Variants in NHSL2 observed in about 807,000 individuals in gnomAD.
NHSL2 encodes NHS-like protein 2.
A neutral mutation model predicts 53.4 loss-of-function variants in NHSL2; 27 were observed. The ratio of observed to expected loss-of-function variants is 0.51; its 90% CI spans 0.37 to 0.70. The LOEUF is 0.70. NHSL2 is among the 30% of genes least tolerant of loss of function. NHSL2 has a pLI of 0.00. For synonymous variants in NHSL2, 408 were observed against 404.1 expected (o/e 1.01, Z -0.12); for missense variants, 892 against 980.1 (o/e 0.91, Z 1.20).
At chrX:72,086,638 T>A (rs2147435303) in intron 1 of NHSL2, among the ~76,000 whole-genome samples, 1 of 93,351 alleles carries the variant, frequency 1.1e-5, no homozygotes, top group Admixed American at 1.4e-4. Flanking sequence ...GAGCTGAGAT[T>A]ATGCCACTGT....
At chrX:72,046,708 G>A (rs181636163) in intron 1 of NHSL2, among the ~76,000 whole-genome samples, 126 of 109,935 alleles carry the variant, frequency 1.1e-3, no homozygotes, top group African/African-American at 4.0e-3. Context: ...GGACACTGCA[G>A]AGAAAGGTTT....
At chrX:71,982,092 A>G (rs1045872038) in intron 1 of NHSL2, among the ~76,000 whole-genome samples, 10 of 112,579 alleles carry the variant, frequency 8.9e-5, no homozygotes, top group East Asian at 2.8e-4. Flanking sequence ...ATGTCCTTCA[A>G]TGTGTGAGTG....
intron 1 of NHSL2, among the ~76,000 whole-genome samples, chrX:71,931,622 A>G: frequency 8.9e-6 from 1 of 112,540 alleles, no homozygotes; most frequent in South Asian, 3.7e-4. Flanking sequence ...TAAAGAGACT[A>G]TTCCTTCCTC....
chrX:72,091,297 CA>C (rs1270114495), intron 1 of NHSL2, among the ~76,000 whole-genome samples: 2 of 111,247 alleles, frequency 1.8e-5, no homozygotes, highest in Admixed American at 1.9e-4. Context: ...ACTAAAAATA[CA>C]AAAAAATTAG....
chrX:71,972,026 G>A (rs1273289452), intron 1 of NHSL2, among the ~76,000 whole-genome samples: 6 of 110,727 alleles, frequency 5.4e-5, no homozygotes, highest in African/African-American at 9.9e-5. Flanking sequence ...CTATGGGAAT[G>A]TCTTTATTTT....
At chrX:71,984,305 G>A (rs769293307) in intron 1 of NHSL2, among the ~76,000 whole-genome samples, 4 of 111,769 alleles carry the variant, frequency 3.6e-5, no homozygotes, top group East Asian at 2.8e-4. Flanking sequence ...GAAAACATTC[G>A]GTAAGCTTAT....
intron 1 of NHSL2, among the ~76,000 whole-genome samples, chrX:72,016,712 G>C (rs1246332902): frequency 9.0e-6 from 1 of 111,176 alleles, no homozygotes; most frequent in East Asian, 2.8e-4. Context: ...TTGTGTCTGT[G>C]TATTTGTGAG....
chrX:71,911,278 G>A lies in NHSL2; in HGVS notation c.191G>A (p.Arg64His), dbSNP rs1249243986. The A allele has an allele frequency of 9.6e-6, 11 of 1,140,664 alleles. No homozygotes were observed. The highest frequency in any genetic ancestry group is 1.0e-5 in the Non-Finnish European group (9 of 864,425). 94.0% of individuals were successfully genotyped at this position (1,140,664 alleles called of 1,213,427 possible). ...GGGCACCTGCTGGCCCTGGGGCGCC[G>A]CACAGACAGCCTGTACCGGCGCACC... Reference protein sequence around the residue: ...LEGHLLALGRRTDSLYRRTVR... With the variant: ...LEGHLLALGRHTDSLYRRTVR... The change falls in exon 1 of 8, where the codon CGC becomes CAC. Residue 64 changes from arginine (R) to histidine (H), a missense_variant. Coordinates refer to ENST00000633930, the MANE Select transcript of NHSL2 (RefSeq NM_001013627.3).
At chrX:72,000,211 A>G (rs1009306750) in intron 1 of NHSL2, among the ~76,000 whole-genome samples, 2 of 111,783 alleles carry the variant, frequency 1.8e-5, no homozygotes, top group African/African-American at 3.3e-5. Flanking sequence ...AGAAAAGAAC[A>G]TTGCCCAGCA....
intron 1 of NHSL2, among the ~76,000 whole-genome samples, chrX:72,085,542 C>T (rs1485870719): frequency 2.7e-5 from 3 of 111,159 alleles, no homozygotes; most frequent in Admixed American, 9.6e-5. Context: ...GGATCAAAAT[C>T]CAGTTAGTTC....
intron 1 of NHSL2, among the ~76,000 whole-genome samples, chrX:72,082,802 G>T (rs972084427): frequency 1.8e-5 from 2 of 111,905 alleles, no homozygotes; most frequent in Non-Finnish European, 3.8e-5. Flanking sequence ...CAGGCCCACC[G>T]CCAACCTCGG....
chrX:72,033,033 C>T (rs973239356), intron 1 of NHSL2, among the ~76,000 whole-genome samples: 1 of 111,527 alleles, frequency 9.0e-6, no homozygotes, highest in African/African-American at 3.3e-5. Context: ...CAATTATTCT[C>T]CTTTTTCAAG....
chrX:72,061,851 G>A (rs370935936), intron 1 of NHSL2, among the ~76,000 whole-genome samples: 2 of 111,708 alleles, frequency 1.8e-5, no homozygotes, highest in Admixed American at 9.5e-5. Context: ...TTCTTAGCTC[G>A]GAGAGAACTT....
intron 1 of NHSL2, among the ~76,000 whole-genome samples, chrX:71,977,209 G>T (rs1232141371): frequency 9.0e-6 from 1 of 111,694 alleles, no homozygotes; most frequent in Non-Finnish European, 1.9e-5. Context: ...ACTTAAATCT[G>T]TGTAACCTTG....
intron 1 of NHSL2, among the ~76,000 whole-genome samples, chrX:72,058,708 C>T (rs2042383410): frequency 8.9e-6 from 1 of 112,457 alleles, no homozygotes; most frequent in African/African-American, 3.2e-5. Context: ...TTAGGATTCT[C>T]CAGTTCCTTG....
chrX:72,140,717 C>G lies in NHSL2; in HGVS notation c.3169C>G (p.Gln1057Glu), dbSNP rs1315962329. 1 of 1,203,073 alleles carries G rather than the reference C, an allele frequency of 8.3e-7. No homozygotes were observed. The highest frequency in any genetic ancestry group is 1.1e-6 in the Non-Finnish European group (1 of 890,602). ...ATGDDLQSLG[Q>E]RVTSTPQADS... ...CGGCGATGACCTGCAATCACTTGGT[C>G]AAAGGGTGACTTCAACTCCTCAGGC... Residue 1057 changes from glutamine (Q) to glutamate (E), a missense_variant, in exon 6 of 8, where the codon CAA (glutamine) becomes GAA (glutamate). Gln to Glu is a conservative substitution (Grantham distance 29, BLOSUM62 2). Transcript: ENST00000633930.
At chrX:72,078,272 T>A (rs1409566725) in intron 1 of NHSL2, among the ~76,000 whole-genome samples, 1 of 112,239 alleles carries the variant, frequency 8.9e-6, no homozygotes, top group African/African-American at 3.2e-5. Context: ...GCCCACTAGC[T>A]GGGCTTTAAG....
intron 1 of NHSL2, among the ~76,000 whole-genome samples, chrX:71,998,938 A>T (rs2042061361): frequency 8.9e-6 from 1 of 112,358 alleles, no homozygotes; most frequent in Admixed American, 9.4e-5. Flanking sequence ...TATGGAATGG[A>T]TACCTAATAG....
intron 1 of NHSL2, among the ~76,000 whole-genome samples, chrX:71,980,118 T>C (rs2041968691): frequency 8.9e-6 from 1 of 111,985 alleles, no homozygotes; most frequent in African/African-American, 3.3e-5. Context: ...TCCATTGGTC[T>C]ATATCTCTGT....
Sources: gnomAD v4.1 joint callset for allele counts (sites outside exome capture counted in the v4.1 genomes callset) on GRCh38, gnomAD v4.1.1 for gene constraint, MANE v1.5 for transcripts, NCBI Gene and HGNC (gene_info 2026-07-23, HGNC 2026-07-21) for gene names.